Variants in KPNA6 observed in about 807,000 individuals in gnomAD.
KPNA6 encodes the protein karyopherin subunit alpha 6.
Under a neutral mutation model 72.0 loss-of-function variants are expected in KPNA6, and 9 were observed. That is an observed-to-expected ratio of 0.13 (90% CI 0.08 to 0.22). The LOEUF (loss-of-function observed/expected upper bound fraction) is 0.22. Ranked by LOEUF, KPNA6 falls within the 10% of genes least tolerant of loss-of-function variation. KPNA6 has a pLI of 1.00. For missense variants in KPNA6, 374 were observed against 655.7 expected, an observed-to-expected ratio of 0.57 and a Z score of 4.69; for synonymous variants, 219 against 242.1, an observed-to-expected ratio of 0.90 and a Z score of 0.89.
At chr1:32,121,163 C>G (rs1641427646) in intron 1 of KPNA6, among the ~76,000 whole-genome samples, 1 of 152,164 alleles carries the variant, frequency 6.6e-6, no homozygotes, top group East Asian at 1.9e-4. Flanking sequence ...TAAGCTACTG[C>G]TCCTGGCCGT....
chr1:32,115,538 C>T (rs1234679373), intron 1 of KPNA6, among the ~76,000 whole-genome samples: 1 of 151,410 alleles, frequency 6.6e-6, no homozygotes, highest in African/African-American at 2.4e-5. Flanking sequence ...GGGATCCCCC[C>T]ACGTCAGCCT....
At chr1:32,111,028 G>T (rs1360759137) in intron 1 of KPNA6, among the ~76,000 whole-genome samples, 1 of 152,136 alleles carries the variant, frequency 6.6e-6, no homozygotes, top group Non-Finnish European at 1.5e-5. Flanking sequence ...TCCCTATTGA[G>T]TAATAAGACT....
intron 1 of KPNA6, among the ~76,000 whole-genome samples, chr1:32,112,955 C>A (rs1353971331): frequency 1.3e-5 from 2 of 152,140 alleles, no homozygotes; most frequent in Non-Finnish European, 2.9e-5. Flanking sequence ...TGAAATTTGC[C>A]ACATCAATTG....
rs1024300063 is a variant in KPNA6, at chr1:32,166,171, C to T, written c.1057C>T (p.Arg353Trp). Residue 353 changes from arginine to tryptophan, a missense_variant, in exon 11 of 14, where the codon CGG becomes TGG. Arg to Trp is a moderately radical substitution (Grantham distance 101, BLOSUM62 -3). Coordinates refer to ENST00000373625, the MANE Select transcript of KPNA6 (RefSeq NM_012316.5). ...HLLSSPKESI[R>W]KEACWTISNI... is the part of the protein sequence containing the mutation. The stretch of plus-strand genomic sequence containing the variant: ...GTTGAGCAGTCCCAAGGAGTCAATC[C>T]GGAAGGAAGCTTGCTGGACTATTTC... 4.3e-6 allele frequency: 7 copies of T among 1,613,950 alleles called. No individual in the cohort carries two copies. Among genetic ancestry groups the T allele is most frequent in the Non-Finnish European group, 5.9e-6 (7 of 1,180,010 alleles).
chr1:32,163,396 CA>C, intron 10 of KPNA6, 83 bp downstream of exon 10: 1 of 984,342 alleles, frequency 1.0e-6, no homozygotes. Context: ...GCCTTTCCTG[CA>C]AAGGGCTGTG....
chr1:32,121,249 A>G (rs1413827584), intron 1 of KPNA6, among the ~76,000 whole-genome samples: 1 of 152,174 alleles, frequency 6.6e-6, no homozygotes, highest in African/African-American at 2.4e-5. Flanking sequence ...ATGGTAGGGA[A>G]TAAGAGAGTT....
chr1:32,113,402 A>C (rs1361868335), intron 1 of KPNA6, among the ~76,000 whole-genome samples: 1 of 152,118 alleles, frequency 6.6e-6, no homozygotes, highest in East Asian at 1.9e-4. Context: ...AAAAAACCCC[A>C]AAAATCCTTT....
chr1:32,155,703 ATTAT>A (rs150358147), intron 2 of KPNA6, among the ~76,000 whole-genome samples: 7,118 of 146,048 alleles, frequency 0.049, 244 homozygotes, highest in Middle Eastern at 0.099. Context: ...CCTGATTATT[ATTAT>A]TTATTTATTT....
chr1:32,119,019 TATATA>T (rs1384710397), intron 1 of KPNA6, among the ~76,000 whole-genome samples: 52 of 77,788 alleles, frequency 6.7e-4, no homozygotes, highest in African/African-American at 3.5e-3. Flanking sequence ...TATATATATA[TATATA>T]TATATATATT....
chr1:32,110,641 CAGGCCTATAATCCCATAG>C (rs1641230608), intron 1 of KPNA6, among the ~76,000 whole-genome samples: 1 of 152,148 alleles, frequency 6.6e-6, no homozygotes, highest in Admixed American at 6.6e-5. Context: ...CAAGGTGGCT[CAGGCCTATAATCCCATAG>C]GCCGAGGCGG....
chr1:32,112,549 A>G (rs1268552933), intron 1 of KPNA6, among the ~76,000 whole-genome samples: 6 of 152,024 alleles, frequency 3.9e-5, no homozygotes, highest in East Asian at 1.9e-4. Flanking sequence ...CTGGAGTGCA[A>G]TGGCGTGATC....
At chr1:32,139,280 A>T (rs1465982708) in intron 1 of KPNA6, among the ~76,000 whole-genome samples, 1 of 152,174 alleles carries the variant, frequency 6.6e-6, no homozygotes, top group Non-Finnish European at 1.5e-5. Flanking sequence ...AGGTGTTCTG[A>T]CAAAAATAGG....
intron 2 of KPNA6, 90 bp from the exon 3 acceptor site, chr1:32,156,763 C>CT: frequency 1.0e-6 from 1 of 975,212 alleles, no homozygotes; most frequent in South Asian, 1.4e-5. Flanking sequence ...CTAGTATATC[C>CT]TTGTCAGTTA....
In KPNA6 at chr1:32,173,345, C is replaced by T. The variant is rs932286350; in HGVS notation, c.*2451C>T. ...ACACATCCTGCTTGTCCAGCTGTTC[C>T]TCCAAAATCTACTTTGGCTTCAGCT... On this transcript the variant is annotated 3_prime_UTR_variant, in exon 14 of 14. Coordinates refer to ENST00000373625, the MANE Select transcript of KPNA6 (RefSeq NM_012316.5). 15 of 372,442 alleles carry T rather than the reference C, an allele frequency of 4.0e-5. No homozygotes were observed. The highest frequency in any genetic ancestry group is 6.7e-5 in the Non-Finnish European group (14 of 210,324). 23.1% of individuals were successfully genotyped at this position (372,442 alleles called of 1,614,324 possible).
chr1:32,124,777 G>T (rs1055830829), intron 1 of KPNA6, among the ~76,000 whole-genome samples: 2 of 151,580 alleles, frequency 1.3e-5, no homozygotes, highest in East Asian at 3.9e-4. Context: ...AAAGTGCTAG[G>T]ATTACAAGTG....
At chr1:32,119,019 TATATATATA>T (rs1453373589) in intron 1 of KPNA6, among the ~76,000 whole-genome samples, 28 of 77,806 alleles carry the variant, frequency 3.6e-4, no homozygotes, top group African/African-American at 1.8e-3. Context: ...TATATATATA[TATATATATA>T]TATATTTTTT....
At chr1:32,127,407 G>A (rs535360750) in intron 1 of KPNA6, among the ~76,000 whole-genome samples, 1 of 152,274 alleles carries the variant, frequency 6.6e-6, no homozygotes, top group South Asian at 2.1e-4. Flanking sequence ...CTCACATGGG[G>A]CCTTAGAATA....
At chr1:32,132,149 T>A (rs554392981) in intron 1 of KPNA6, among the ~76,000 whole-genome samples, 2 of 152,018 alleles carry the variant, frequency 1.3e-5, no homozygotes, top group Non-Finnish European at 2.9e-5. Flanking sequence ...ATTTGTATTT[T>A]TAGTAGAGAC....
At chr1:32,144,017 G>C (rs1641887430) in intron 1 of KPNA6, among the ~76,000 whole-genome samples, 1 of 152,144 alleles carries the variant, frequency 6.6e-6, no homozygotes, top group African/African-American at 2.4e-5. Flanking sequence ...CACCTGCAAC[G>C]ACAGATGGTA....
Sources: gnomAD v4.1 joint callset for allele counts (sites outside exome capture counted in the v4.1 genomes callset) on GRCh38, gnomAD v4.1.1 for gene constraint, MANE v1.5 for transcripts, NCBI Gene and HGNC (gene_info 2026-07-23, HGNC 2026-07-21) for gene names.